The following DEFB121 variants were observed in gnomAD, a reference collection of about 807,000 sequenced individuals.
DEFB121 encodes the protein defensin beta 121, also known as beta-defensin 121.
A neutral mutation model predicts 2.5 loss-of-function variants in DEFB121; 5 were observed. The ratio of observed to expected loss-of-function variants is 1.96; its 90% CI spans 1.03 to 4.13. The LOEUF is 4.13. Ranked by LOEUF, DEFB121 falls within the 30% of genes most tolerant of loss-of-function variation. The pLI, the probability that DEFB121 is intolerant of heterozygous loss-of-function variation, is 0.00. For missense variants in DEFB121, 87 were observed against 85.0 expected, an observed-to-expected ratio of 1.02 and a Z score of -0.09; for synonymous variants, 39 against 32.6, an observed-to-expected ratio of 1.20 and a Z score of -0.67.
At chr20:31,414,426 T>G (rs571075844), upstream of DEFB121, among the ~76,000 whole-genome samples, 1 of 152,292 alleles carries the variant, frequency 6.6e-6, no homozygotes, top group East Asian at 1.9e-4. Context: ...TTATTGACCA[T>G]AGCCAAGATA....
At chr20:31,405,537 G>A (rs1978450106) in intron 1 of DEFB121, among the ~76,000 whole-genome samples, 1 of 152,092 alleles carries the variant, frequency 6.6e-6, no homozygotes, top group African/African-American at 2.4e-5. Flanking sequence ...AGTCTTCTAG[G>A]GCACCTTTAA....
upstream of DEFB121, among the ~76,000 whole-genome samples, chr20:31,407,302 C>T (rs1328745329): frequency 2.0e-5 from 3 of 152,086 alleles, no homozygotes; most frequent in African/African-American, 7.2e-5. Context: ...CTTCTTCATC[C>T]CTACTTGAAT....
At chr20:31,407,148 G>A (rs555812564), upstream of DEFB121, among the ~76,000 whole-genome samples, 2 of 152,270 alleles carry the variant, frequency 1.3e-5, no homozygotes, top group South Asian at 4.1e-4. Flanking sequence ...TATTCAGGAG[G>A]CTGAAGCAGG....
chr20:31,408,667 C>A (rs571712047), upstream of DEFB121, among the ~76,000 whole-genome samples: 1 of 152,100 alleles, frequency 6.6e-6, no homozygotes, highest in Non-Finnish European at 1.5e-5. Flanking sequence ...TATTTATAGA[C>A]ACTCAAGTTT....
At chr20:31,415,644 A>G (rs1473410946), upstream of DEFB121, among the ~76,000 whole-genome samples, 2 of 107,774 alleles carry the variant, frequency 1.9e-5, no homozygotes, top group East Asian at 8.5e-4. Context: ...GTCTAATCAA[A>G]ATAAATATAT....
chr20:31,405,180 G>T, intron 1 of DEFB121, 95 bp from the exon 2 acceptor site: 2 of 1,248,844 alleles, frequency 1.6e-6, no homozygotes, highest in Non-Finnish European at 1.1e-6. Flanking sequence ...AGGAGTAGGA[G>T]GGAAATGAGG....
At chr20:31,416,054 T>TTTTGTTTGTTTGTTTGTTTGTTTG (rs58327582), upstream of DEFB121, among the ~76,000 whole-genome samples, 1 of 150,862 alleles carries the variant, frequency 6.6e-6, no homozygotes, top group African/African-American at 2.4e-5. Flanking sequence ...CTTCCCACTT[T>TTTTGTTTGTTTGTTTGTTTGTTTG]TTTGTTTGTT....
upstream of DEFB121, among the ~76,000 whole-genome samples, chr20:31,410,854 GAA>G (rs1164569470): frequency 1.3e-5 from 2 of 151,280 alleles, no homozygotes; most frequent in African/African-American, 2.4e-5. Context: ...GAGAGAGAGA[GAA>G]AGAGAGCAAC....
Position 31,412,051 on chromosome 20 carries a change from C to T in DEFB121, n.217+571G>A, listed in dbSNP as rs114593012. ...GCCCAGCATCCTTCTACTCCCTTCT[C>T]AGATTTCTTCCACCCACTTCTGGTT... On this transcript the variant is annotated intron_variant and non_coding_transcript_variant, in intron 1 of 1. Coordinates refer to the DEFB121 transcript ENST00000376312. Among the ~76,000 whole-genome samples, 454 of 152,356 alleles carry T rather than the reference C, an allele frequency of 3.0e-3. 3 individuals are homozygous for T. The highest frequency in any genetic ancestry group is 0.011 in the African/African-American group (437 of 41,580).
At chr20:31,418,258 T>A in the DEFB121 span, among the ~76,000 whole-genome samples, 1 of 8,930 alleles carries the variant, frequency 1.1e-4, no homozygotes, top group East Asian at 7.2e-3. Context: ...AGACTCCGTC[T>A]CAAAAAAAAA....
intron 1 of DEFB121, among the ~76,000 whole-genome samples, 180 bp downstream of exon 1, chr20:31,405,915 C>A (rs554373230): frequency 1.2e-4 from 18 of 152,210 alleles, no homozygotes; most frequent in Non-Finnish European, 2.1e-4. Flanking sequence ...AAGTACTGGG[C>A]ACTGGGAAGA....
chr20:31,417,407 G>A (rs1256678315), upstream of DEFB121, among the ~76,000 whole-genome samples: 1 of 151,900 alleles, frequency 6.6e-6, no homozygotes, highest in Non-Finnish European at 1.5e-5. Flanking sequence ...GTACAAAGAT[G>A]AAATTTCCAG....
upstream of DEFB121, among the ~76,000 whole-genome samples, chr20:31,410,642 A>G (rs1359728691): frequency 1.3e-5 from 2 of 152,202 alleles, no homozygotes; most frequent in Non-Finnish European, 1.5e-5. Context: ...GCTTACTTCT[A>G]AAGATCATTA....
chr20:31,406,898 C>T (rs1001007928), upstream of DEFB121, among the ~76,000 whole-genome samples: 114 of 152,142 alleles, frequency 7.5e-4, no homozygotes, highest in African/African-American at 2.6e-3. Context: ...TTCCTGGTCT[C>T]AAGCAATTCT....
At chr20:31,415,953 C>A (rs1978794275), upstream of DEFB121, among the ~76,000 whole-genome samples, 1 of 152,186 alleles carries the variant, frequency 6.6e-6, no homozygotes, top group Non-Finnish European at 1.5e-5. Context: ...TTTTTATAGT[C>A]TTTGAATGCA....
intron 1 of DEFB121, 49 bp downstream of exon 1, chr20:31,406,046 C>T: frequency 6.2e-7 from 1 of 1,605,460 alleles, no homozygotes; most frequent in South Asian, 1.1e-5. Context: ...GTTCTCTGAA[C>T]ATGCATCAGG....
chr20:31,414,378 A>G (rs1372272101), upstream of DEFB121, among the ~76,000 whole-genome samples: 4 of 152,240 alleles, frequency 2.6e-5, no homozygotes, highest in African/African-American at 7.2e-5. Flanking sequence ...CTGAATCAGT[A>G]TCTTGAAGAG....
In DEFB121 at chr20:31,405,003, C is replaced by A. The variant is rs1568738307; in HGVS notation, c.141G>T (p.Glu47Asp). 1 of 1,613,972 alleles carries A rather than the reference C, an allele frequency of 6.2e-7. No individual in the cohort carries two copies. Among genetic ancestry groups the A allele is most frequent in the East Asian group, 2.2e-5 (1 of 44,880 alleles). ...SEVYYILCKTEAKCCVDPKYV... is the reference protein window; with the variant it reads ...SEVYYILCKTDAKCCVDPKYV... Reference sequence around the variant, plus strand: ...ACTTGGGATCCACACAGCACTTAGCCTCAGTTTTGCATAATATATAGTATA... The same window carrying A: ...ACTTGGGATCCACACAGCACTTAGCATCAGTTTTGCATAATATATAGTATA... The change falls in exon 2 of 2, where the codon GAG (glutamate) becomes GAT (aspartate). Residue 47 changes from glutamate to aspartate, a missense_variant. By Grantham distance (45) the Glu-to-Asp change is conservative (BLOSUM62 2). Transcript: ENST00000376314.
intron 1 of DEFB121, among the ~76,000 whole-genome samples, chr20:31,411,233 T>C (rs1280770099): frequency 6.6e-6 from 1 of 152,204 alleles, no homozygotes; most frequent in African/African-American, 2.4e-5. Flanking sequence ...CTGAACTATA[T>C]ACATCTACAG....
Sources: gnomAD v4.1 joint callset for allele counts (sites outside exome capture counted in the v4.1 genomes callset) on GRCh38, gnomAD v4.1.1 for gene constraint, MANE v1.5 for transcripts, NCBI Gene and HGNC (gene_info 2026-07-23, HGNC 2026-07-21) for gene names.